ATP8A2: variants seen among roughly 807,000 people sequenced by gnomAD.
ATP8A2 encodes the protein ATPase phospholipid transporting 8A2, also known as phospholipid-transporting ATPase IB.
ATP8A2 carries 100 observed loss-of-function variants against 165.6 expected under a neutral mutation model. The ratio of observed to expected loss-of-function variants is 0.60; its 90% CI spans 0.51 to 0.71. The LOEUF (loss-of-function observed/expected upper bound fraction) is 0.71, where lower values mean the gene tolerates loss of function less well. Among genes scored for constraint, ATP8A2 ranks in the 30% least tolerant of loss-of-function variants. The probability of loss-of-function intolerance (pLI) is 0.00; values close to 1 mark genes in which losing one functional copy is unlikely to be tolerated. For synonymous variants in ATP8A2, 543 were observed against 548.8 expected (o/e 0.99, Z 0.15); for missense variants, 1,227 against 1,479.5 (o/e 0.83, Z 2.80).
chr13:25,849,310 T>C (rs981049722), intron 30 of ATP8A2, among the ~76,000 whole-genome samples: 12 of 152,214 alleles, frequency 7.9e-5, no homozygotes, highest in Non-Finnish European at 1.8e-4. Flanking sequence ...GTTTTCATGA[T>C]TGTTAAACGC....
chr13:25,431,017 T>C (rs893256149), intron 1 of ATP8A2, among the ~76,000 whole-genome samples: 2 of 151,970 alleles, frequency 1.3e-5, no homozygotes, highest in African/African-American at 4.8e-5. Flanking sequence ...CACACATATA[T>C]ATACACACAC....
intron 27 of ATP8A2, among the ~76,000 whole-genome samples, chr13:25,789,518 G>A (rs2045113554): frequency 6.6e-6 from 1 of 151,830 alleles, no homozygotes; most frequent in South Asian, 2.1e-4. Context: ...TAAGTACTTA[G>A]GTAACTAGGG....
chr13:25,885,465 T>G (rs1296928151), intron 33 of ATP8A2, among the ~76,000 whole-genome samples: 1 of 152,018 alleles, frequency 6.6e-6, no homozygotes, highest in Non-Finnish European at 1.5e-5. Flanking sequence ...CCTCTCTCCT[T>G]CTTTTGGGGT....
chr13:25,590,399 T>C (rs2040038743), intron 24 of ATP8A2, among the ~76,000 whole-genome samples: 1 of 152,160 alleles, frequency 6.6e-6, no homozygotes, highest in South Asian at 2.1e-4. Flanking sequence ...CTTTCCAAGC[T>C]GGGTGACAGA....
At chr13:25,381,916 A>G (rs2032852420) in intron 1 of ATP8A2, among the ~76,000 whole-genome samples, 1 of 152,130 alleles carries the variant, frequency 6.6e-6, no homozygotes, top group South Asian at 2.1e-4. Flanking sequence ...GTCTGTGTAA[A>G]CATTGTGATG....
At chr13:25,758,862 T>G (rs975710528) in intron 25 of ATP8A2, among the ~76,000 whole-genome samples, 1 of 152,230 alleles carries the variant, frequency 6.6e-6, no homozygotes, top group Admixed American at 6.5e-5. Flanking sequence ...AGATCTAGAA[T>G]AAGTGGCTTG....
intron 24 of ATP8A2, among the ~76,000 whole-genome samples, chr13:25,659,123 A>G (rs2041996180): frequency 6.6e-6 from 1 of 152,202 alleles, no homozygotes; most frequent in Non-Finnish European, 1.5e-5. Flanking sequence ...TGTATGTGCA[A>G]GCTCTTCACT....
chr13:25,563,864 A>G, intron 15 of ATP8A2, 92 bp from the exon 16 acceptor site: 4 of 822,336 alleles, frequency 4.9e-6, no homozygotes, highest in South Asian at 1.4e-5. Flanking sequence ...GACTTTAGGT[A>G]TGGTTCTTCT....
chr13:25,933,982 C>T (rs1431109525), intron 33 of ATP8A2, among the ~76,000 whole-genome samples: 1 of 152,190 alleles, frequency 6.6e-6, no homozygotes, highest in Admixed American at 6.5e-5. Flanking sequence ...TGGTGAGTAC[C>T]ATGCAGGCCC....
intron 1 of ATP8A2, among the ~76,000 whole-genome samples, chr13:25,415,159 C>G (rs928764706): frequency 6.6e-6 from 1 of 152,214 alleles, no homozygotes; most frequent in Admixed American, 6.5e-5. Flanking sequence ...GAATGTTATT[C>G]ACTGTCACGT....
At chr13:25,850,068 C>T (rs1055487597) in intron 30 of ATP8A2, among the ~76,000 whole-genome samples, 20 of 152,196 alleles carry the variant, frequency 1.3e-4, no homozygotes, top group Non-Finnish European at 2.5e-4. Context: ...GTAATGCCCT[C>T]CTGTCTCATC....
intron 35 of ATP8A2, 116 bp from the exon 36 acceptor site, chr13:26,012,415 G>T: frequency 2.5e-6 from 2 of 792,952 alleles, no homozygotes; most frequent in East Asian, 3.1e-5. Context: ...GAAGCACCAC[G>T]CCTTACCCGA....
intron 24 of ATP8A2, among the ~76,000 whole-genome samples, chr13:25,668,087 G>A (rs538485947): frequency 2.6e-5 from 4 of 152,214 alleles, no homozygotes; most frequent in Admixed American, 2.0e-4. Context: ...CCCAAAATAC[G>A]TAAATAATGA....
chr13:25,659,255 G>A (rs572168433), intron 24 of ATP8A2, among the ~76,000 whole-genome samples: 41 of 152,244 alleles, frequency 2.7e-4, no homozygotes, highest in Non-Finnish European at 5.0e-4. Context: ...AAAAGCTATC[G>A]ATTGTGCTGA....
intron 24 of ATP8A2, among the ~76,000 whole-genome samples, chr13:25,650,050 G>A (rs1187305898): frequency 6.6e-6 from 1 of 152,208 alleles, no homozygotes; most frequent in Non-Finnish European, 1.5e-5. Context: ...AGGGAAGCTG[G>A]ATATTTGCTT....
intron 1 of ATP8A2, among the ~76,000 whole-genome samples, chr13:25,400,429 T>C (rs772941038): frequency 3.9e-5 from 6 of 152,220 alleles, no homozygotes; most frequent in Non-Finnish European, 7.3e-5. Context: ...TGCGAGTGTT[T>C]GTTACCTGCA....
At chr13:25,540,244 TA>T (rs1436371519) in intron 7 of ATP8A2, 74 bp from the exon 8 acceptor site, 1 of 1,095,488 alleles carries the variant, frequency 9.1e-7, no homozygotes, top group Non-Finnish European at 1.4e-6. Context: ...ACAGATTCCA[TA>T]ATAGAGATTT....
chr13:25,997,140 A>G (rs907412795), intron 35 of ATP8A2, among the ~76,000 whole-genome samples: 1 of 152,212 alleles, frequency 6.6e-6, no homozygotes, highest in Non-Finnish European at 1.5e-5. Context: ...TTCTTTAGCT[A>G]TTCCTGTAAG....
At chr13:25,468,914 A>G (rs1299815711) in intron 1 of ATP8A2, 63 bp from the exon 2 acceptor site, 44 of 1,581,204 alleles carry the variant, frequency 2.8e-5, no homozygotes, top group Non-Finnish European at 1.7e-6. Flanking sequence ...CCGCGCTCGC[A>G]GCCTCCCGCC....
Sources: allele counts gnomAD v4.1 joint callset (sites outside exome capture counted in the v4.1 genomes callset), GRCh38; gene constraint gnomAD v4.1.1; transcripts MANE v1.5; gene names NCBI Gene and HGNC (gene_info 2026-07-23, HGNC 2026-07-21).